FRK: variants seen among roughly 807,000 people sequenced by gnomAD.
The protein encoded by FRK is tyrosine-protein kinase FRK.
In FRK, 51 loss-of-function variants were observed where a neutral mutation model predicts 56.4. The observed-to-expected ratio is 0.90, with a 90% CI of 0.72 to 1.14. The LOEUF is 1.14. Among genes scored for constraint, FRK ranks in the 50% most tolerant of loss-of-function variants. The probability of loss-of-function intolerance (pLI) is 0.00; values close to 1 mark genes in which losing one functional copy is unlikely to be tolerated. For missense variants in FRK, 570 were observed against 601.4 expected, an observed-to-expected ratio of 0.95 and a Z score of 0.55; for synonymous variants, 245 against 217.9, an observed-to-expected ratio of 1.12 and a Z score of -1.10.
chr6:116,010,756 G>T (rs1455706537), intron 1 of FRK, among the ~76,000 whole-genome samples: 2 of 152,174 alleles, frequency 1.3e-5, no homozygotes, highest in Non-Finnish European at 2.9e-5. Flanking sequence ...GAAGAATGCT[G>T]CATGTAAAGT....
intron 7 of FRK, 111 bp downstream of exon 7, chr6:115,942,909 T>A: frequency 1.9e-6 from 2 of 1,039,340 alleles, no homozygotes; most frequent in Non-Finnish European, 2.8e-6. Context: ...CCCGCAGGTA[T>A]GGTATGGTCA....
chr6:116,016,663 AAGG>A (rs1241995302), intron 1 of FRK, among the ~76,000 whole-genome samples: 1 of 152,144 alleles, frequency 6.6e-6, no homozygotes, highest in Non-Finnish European at 1.5e-5. Flanking sequence ...CCAGGGAGTC[AAGG>A]TGTGAGACCT....
intron 1 of FRK, among the ~76,000 whole-genome samples, chr6:116,030,427 G>C (rs911158100): frequency 6.6e-6 from 1 of 152,064 alleles, no homozygotes; most frequent in Non-Finnish European, 1.5e-5. Context: ...AGTTTTAGGA[G>C]CTCTCTGGCA....
At chr6:116,096,181 G>A in the FRK span, among the ~76,000 whole-genome samples, 5 of 152,160 alleles carry the variant, frequency 3.3e-5, no homozygotes, top group Non-Finnish European at 7.3e-5. Flanking sequence ...CCTTTGACTG[G>A]CCTAAAGAGT....
the FRK span, among the ~76,000 whole-genome samples, chr6:116,087,991 G>C: frequency 6.6e-6 from 1 of 152,188 alleles, no homozygotes; most frequent in Non-Finnish European, 1.5e-5. Flanking sequence ...TTGGTGAGTG[G>C]ATAACCCTCA....
chr6:116,082,860 T>A, the FRK span, among the ~76,000 whole-genome samples: 1 of 152,008 alleles, frequency 6.6e-6, no homozygotes, highest in Non-Finnish European at 1.5e-5. Context: ...AGTATAGATA[T>A]ATCTTTTAAG....
the FRK span, among the ~76,000 whole-genome samples, chr6:116,087,979 A>G: frequency 3.9e-5 from 6 of 152,206 alleles, no homozygotes; most frequent in African/African-American, 1.4e-4. Flanking sequence ...ACGGCCTGAA[A>G]GTTGGTGAGT....
At chr6:116,090,441 C>T in the FRK span, among the ~76,000 whole-genome samples, 1 of 152,180 alleles carries the variant, frequency 6.6e-6, no homozygotes, top group African/African-American at 2.4e-5. Flanking sequence ...GGTTCCAAAA[C>T]CAAAGGTTTC....
chr6:116,033,196 C>A (rs911769166), intron 1 of FRK, among the ~76,000 whole-genome samples: 1 of 151,924 alleles, frequency 6.6e-6, no homozygotes, highest in African/African-American at 2.4e-5. Context: ...AACATCAGCA[C>A]AAGCTAATTA....
At chr6:116,009,994 G>A (rs188933071) in intron 1 of FRK, among the ~76,000 whole-genome samples, 7 of 152,234 alleles carry the variant, frequency 4.6e-5, no homozygotes, top group African/African-American at 1.7e-4. Context: ...TTGGGAGGCC[G>A]AGGTGGGTGG....
At chr6:115,974,857 C>A (rs781149580) in intron 2 of FRK, among the ~76,000 whole-genome samples, 1 of 152,128 alleles carries the variant, frequency 6.6e-6, no homozygotes, top group Non-Finnish European at 1.5e-5. Flanking sequence ...TCTATCCACT[C>A]GAGCTCCTCC....
intron 4 of FRK, among the ~76,000 whole-genome samples, chr6:115,966,060 A>AAAT (rs1554226779): frequency 3.1e-4 from 4 of 13,110 alleles, no homozygotes; most frequent in Admixed American, 2.4e-3. Flanking sequence ...TAAAAAAAAA[A>AAAT]TTAAAAAAAA....
chr6:116,085,739 A>C, the FRK span, among the ~76,000 whole-genome samples: 3 of 152,164 alleles, frequency 2.0e-5, no homozygotes, highest in African/African-American at 7.2e-5. Flanking sequence ...TGTGCATGCC[A>C]CAGAGAGAGA....
At chr6:116,017,211 G>A (rs1314764039) in intron 1 of FRK, among the ~76,000 whole-genome samples, 1 of 152,086 alleles carries the variant, frequency 6.6e-6, no homozygotes, top group Non-Finnish European at 1.5e-5. Flanking sequence ...AAATCAAGCA[G>A]AAAGCTGTCT....
the FRK span, among the ~76,000 whole-genome samples, chr6:116,067,997 C>A: frequency 6.6e-6 from 1 of 152,198 alleles, no homozygotes; most frequent in Non-Finnish European, 1.5e-5. Flanking sequence ...AATTTAGATA[C>A]TTCCTTTGGC....
Position 116,060,572 on chromosome 6 carries a change from A to G in FRK, c.-261T>C. The G allele has an allele frequency of 2.4e-6, 1 of 423,332 alleles. No individual in the cohort carries two copies. Among genetic ancestry groups the G allele is most frequent in the Non-Finnish European group, 4.2e-6 (1 of 236,812 alleles). 26.2% of individuals were successfully genotyped at this position (423,332 alleles called of 1,614,324 possible). ...AGCAGGAGCTGGGCAGCTGCTCACTAGGAAGGTGTCTTTTCTTCTTATCTG... is the reference window on the plus strand; with the variant it reads ...AGCAGGAGCTGGGCAGCTGCTCACTGGGAAGGTGTCTTTTCTTCTTATCTG... On this transcript the variant is annotated 5_prime_UTR_variant, in exon 1 of 8. Coordinates refer to ENST00000606080, the MANE Select transcript of FRK (RefSeq NM_002031.3).
At chr6:116,040,652 C>T (rs1022693395) in intron 1 of FRK, among the ~76,000 whole-genome samples, 15 of 151,924 alleles carry the variant, frequency 9.9e-5, no homozygotes, top group Admixed American at 1.3e-4. Context: ...TATTCCTCAC[C>T]CATTAATAGA....
chr6:115,952,194 C>T lies in FRK; in HGVS notation c.958+4258G>A, dbSNP rs867326807. Among the ~76,000 whole-genome samples, 111 of 152,190 alleles carry T rather than the reference C, an allele frequency of 7.3e-4. 2 individuals are homozygous for T. Among genetic ancestry groups the T allele is most frequent in the Middle Eastern group, 6.8e-3 (2 of 294 alleles). On this transcript the variant is annotated intron_variant, in intron 5 of 7. Coordinates refer to ENST00000606080, the MANE Select transcript of FRK (RefSeq NM_002031.3). ...CAGAAGCTCTTTAGTTTAATTAGATCCCATTTGTCAATTTTGTCTTTTGTT... is the reference window on the plus strand; with the variant it reads ...CAGAAGCTCTTTAGTTTAATTAGATTCCATTTGTCAATTTTGTCTTTTGTT...
At chr6:116,054,509 T>TTA (rs1777311280) in intron 1 of FRK, among the ~76,000 whole-genome samples, 3 of 145,280 alleles carry the variant, frequency 2.1e-5, no homozygotes, top group African/African-American at 7.5e-5. Flanking sequence ...TATTATAATA[T>TTA]TATACTATAT....
Sources: allele counts gnomAD v4.1 joint callset (sites outside exome capture counted in the v4.1 genomes callset), GRCh38; gene constraint gnomAD v4.1.1; transcripts MANE v1.5; gene names NCBI Gene and HGNC (gene_info 2026-07-23, HGNC 2026-07-21).